The following REDIC1 variants were observed in gnomAD, a reference collection of about 807,000 sequenced individuals.
The protein encoded by REDIC1 is HEI10 Interacting Protein 1.
At chr12:39,665,301 T>C in the REDIC1 span, among the ~76,000 whole-genome samples, 1 of 152,222 alleles carries the variant, frequency 6.6e-6, no homozygotes, top group Non-Finnish European at 1.5e-5. Flanking sequence ...GGCTAGCCAG[T>C]TTTCCCCGCA....
the REDIC1 span, among the ~76,000 whole-genome samples, chr12:39,663,568 C>G: frequency 6.6e-6 from 1 of 151,948 alleles, no homozygotes; most frequent in Non-Finnish European, 1.5e-5. Context: ...AAATTTTAAT[C>G]AGTTTACATT....
chr12:39,643,725 TTC>T, the REDIC1 span: 8 of 1,232,562 alleles, frequency 6.5e-6, no homozygotes. Flanking sequence ...TTATTTATAA[TTC>T]TGTCTAAAAC....
At chr12:39,895,042 T>G in the REDIC1 span, among the ~76,000 whole-genome samples, 1 of 151,986 alleles carries the variant, frequency 6.6e-6, no homozygotes, top group African/African-American at 2.4e-5. Flanking sequence ...GCAGTGGAAC[T>G]TTTTGTTTTT....
chr12:39,850,144 C>A, the REDIC1 span, among the ~76,000 whole-genome samples: 10 of 152,062 alleles, frequency 6.6e-5, no homozygotes, highest in Non-Finnish European at 1.5e-4. Context: ...CCTTGGGAAG[C>A]CTTCCACAAT....
At chr12:39,690,452 GAA>G in the REDIC1 span, among the ~76,000 whole-genome samples, 30 of 152,146 alleles carry the variant, frequency 2.0e-4, no homozygotes, top group African/African-American at 6.3e-4. Context: ...GTCACACTAG[GAA>G]ACCGGATCAA....
the REDIC1 span, among the ~76,000 whole-genome samples, chr12:39,747,235 C>A: frequency 6.6e-6 from 1 of 152,254 alleles, no homozygotes; most frequent in East Asian, 1.9e-4. Flanking sequence ...CCTTAAATGA[C>A]CTGATGGAGC....
At chr12:39,709,724 T>C in the REDIC1 span, among the ~76,000 whole-genome samples, 5 of 151,912 alleles carry the variant, frequency 3.3e-5, no homozygotes, top group South Asian at 1.0e-3. Flanking sequence ...TGCCATATTT[T>C]CTGTATCCAT....
the REDIC1 span, among the ~76,000 whole-genome samples, chr12:39,832,971 G>A: frequency 6.6e-6 from 1 of 152,046 alleles, no homozygotes; most frequent in African/African-American, 2.4e-5. Context: ...CAAAAATCCT[G>A]ATCTAGATGG....
the REDIC1 span, chr12:39,683,070 C>A: frequency 6.2e-7 from 1 of 1,612,610 alleles, no homozygotes. Context: ...GAGAGTATAA[C>A]AAAAATGAAA....
chr12:39,710,774 A>G, the REDIC1 span, among the ~76,000 whole-genome samples: 1 of 151,762 alleles, frequency 6.6e-6, no homozygotes, highest in African/African-American at 2.4e-5. Context: ...AAACAAATGT[A>G]TATCTTTCTC....
At chr12:39,807,514 A>G in the REDIC1 span, among the ~76,000 whole-genome samples, 1 of 152,232 alleles carries the variant, frequency 6.6e-6, no homozygotes, top group South Asian at 2.1e-4. Context: ...ATTTCAAAAT[A>G]AAAACACTAA....
At chr12:39,644,721 C>A in the REDIC1 span, among the ~76,000 whole-genome samples, 1 of 151,706 alleles carries the variant, frequency 6.6e-6, no homozygotes, top group Non-Finnish European at 1.5e-5. Flanking sequence ...TGTTGTAAAT[C>A]TTTTTGATGT....
At chr12:39,705,433 G>T in the REDIC1 span, among the ~76,000 whole-genome samples, 2 of 152,118 alleles carry the variant, frequency 1.3e-5, no homozygotes, top group African/African-American at 2.4e-5. Flanking sequence ...AAAAATGGAG[G>T]ATGAGGGACT....
chr12:39,755,805 T>C, the REDIC1 span: 2 of 152,164 alleles, frequency 1.3e-5, no homozygotes. Flanking sequence ...TTTGTACATA[T>C]AAAGATTTAC....
chr12:39,692,857 G>A, the REDIC1 span, among the ~76,000 whole-genome samples: 1 of 151,924 alleles, frequency 6.6e-6, no homozygotes, highest in Non-Finnish European at 1.5e-5. Context: ...CATCTTCAAG[G>A]TAATGCTAAA....
At chr12:39,712,848 TACACATATGTATATACAC>T in the REDIC1 span, among the ~76,000 whole-genome samples, 1 of 93,408 alleles carries the variant, frequency 1.1e-5, no homozygotes, top group Non-Finnish European at 2.6e-5. Flanking sequence ...TACACGTATA[TACACATATGTATATACAC>T]GTATATACAC....
chr12:39,679,020 TC>T, the REDIC1 span, among the ~76,000 whole-genome samples: 2 of 151,876 alleles, frequency 1.3e-5, no homozygotes, highest in Non-Finnish European at 2.9e-5. Flanking sequence ...TTGAAAGCAT[TC>T]CCCCCAAGAA....
the REDIC1 span, among the ~76,000 whole-genome samples, chr12:39,742,332 G>A: frequency 4.5e-3 from 691 of 152,282 alleles, no homozygotes; most frequent in Middle Eastern, 0.01. Flanking sequence ...AAGAGGTCAC[G>A]TAATTGCCAG....
the REDIC1 span, among the ~76,000 whole-genome samples, chr12:39,826,586 A>G: frequency 6.0e-5 from 9 of 151,252 alleles, no homozygotes; most frequent in Non-Finnish European, 1.2e-4. Context: ...ACTAATTGTA[A>G]TCTCAATTTC....
Sources: allele counts gnomAD v4.1 joint callset (sites outside exome capture counted in the v4.1 genomes callset), GRCh38; gene constraint gnomAD v4.1.1; transcripts MANE v1.5; gene names NCBI Gene and HGNC (gene_info 2026-07-23, HGNC 2026-07-21).